Variants in RELN observed in about 807,000 individuals in gnomAD.
The protein encoded by RELN is reelin.
RELN carries 108 observed loss-of-function variants against 427.6 expected under a neutral mutation model. That is an observed-to-expected ratio of 0.25 (90% CI 0.22 to 0.30). The LOEUF (loss-of-function observed/expected upper bound fraction) is 0.30, where lower values mean the gene tolerates loss of function less well. Ranked by LOEUF, RELN falls within the 10% of genes least tolerant of loss-of-function variation. The pLI is 1.00. For missense variants in RELN, 3,715 were observed against 4,302.8 expected (o/e 0.86, Z 3.82); for synonymous variants, 1,524 against 1,513.4 (o/e 1.01, Z -0.16).
intron 22 of RELN, among the ~76,000 whole-genome samples, chr7:103,608,705 T>C (rs1831875552): frequency 6.6e-6 from 1 of 152,216 alleles, no homozygotes; most frequent in Admixed American, 6.5e-5. Flanking sequence ...CCTTTCAGTG[T>C]GTGTTTAACA....
rs1584398156 is a variant in RELN at position 103,675,924 on chromosome 7, C to T, written c.1289+6192G>A. Among the ~76,000 whole-genome samples, 7 of 152,202 alleles carry T rather than the reference C, an allele frequency of 4.6e-5. 1 individual carries two copies. The highest frequency in any genetic ancestry group is 4.6e-4 in the Admixed American group (7 of 15,288). On this transcript the variant is annotated intron_variant, in intron 11 of 64. Coordinates refer to ENST00000428762, the MANE Select transcript of RELN (RefSeq NM_005045.4). ...AAAGACTTACATGTTAGACCTAAAA[C>T]CATAAATACCCTAGAAGAAAACCTA... is the stretch of plus-strand genomic sequence containing the variant.
chr7:103,606,453 T>C lies in RELN; in HGVS notation c.3009-1970A>G, dbSNP rs552350082. Among the ~76,000 whole-genome samples, 3 of 152,278 alleles carry C rather than the reference T, an allele frequency of 2.0e-5. 1 individual carries two copies. Among genetic ancestry groups the C allele is most frequent in the African/African-American group, 7.2e-5 (3 of 41,562 alleles). On this transcript the variant is annotated intron_variant, in intron 22 of 64. Transcript: ENST00000428762. The stretch of plus-strand genomic sequence containing the variant: ...GCTGTGTGACCTTTAGTGAGAAATA[T>C]AAGCCTTCAGGGGCTTGTAGTTCCT...
At chr7:103,850,706 T>C (rs1043953376) in intron 2 of RELN, among the ~76,000 whole-genome samples, 1 of 152,112 alleles carries the variant, frequency 6.6e-6, no homozygotes, top group Admixed American at 6.6e-5. Context: ...AAAGAAGATA[T>C]ACAAATGGCC....
chr7:103,746,074 G>A (rs2116044895), intron 6 of RELN, among the ~76,000 whole-genome samples: 1 of 152,132 alleles, frequency 6.6e-6, no homozygotes, highest in Non-Finnish European at 1.5e-5. Context: ...CAGAGATATA[G>A]ACCAATGGAA....
chr7:103,710,581 G>C (rs1031271274), intron 8 of RELN, among the ~76,000 whole-genome samples: 16 of 152,322 alleles, frequency 1.1e-4, no homozygotes, highest in Non-Finnish European at 1.3e-4. Context: ...AAATAAGAGA[G>C]AGGTTTTCCA....
At chr7:103,823,371 T>C (rs1343006702) in intron 3 of RELN, among the ~76,000 whole-genome samples, 3 of 152,236 alleles carry the variant, frequency 2.0e-5, no homozygotes, top group Admixed American at 6.5e-5. Flanking sequence ...TATCTTATAT[T>C]ACATTTTATA....
chr7:103,863,512 T>G (rs1394486184), intron 2 of RELN, among the ~76,000 whole-genome samples: 1 of 152,160 alleles, frequency 6.6e-6, no homozygotes, highest in Non-Finnish European at 1.5e-5. Flanking sequence ...TGGGAGTAGT[T>G]TTTTAAACAG....
intron 18 of RELN, 126 bp downstream of exon 18, chr7:103,636,109 T>C: frequency 1.3e-6 from 1 of 746,168 alleles, no homozygotes; most frequent in Admixed American, 2.1e-5. Flanking sequence ...AACTGTAGGC[T>C]CCCTCCAACC....
intron 2 of RELN, among the ~76,000 whole-genome samples, chr7:103,859,181 T>G (rs1794015287): frequency 6.6e-6 from 1 of 152,198 alleles, no homozygotes; most frequent in Admixed American, 6.5e-5. Context: ...TTTTGGGAAT[T>G]TCTCAAGTGT....
intron 8 of RELN, among the ~76,000 whole-genome samples, chr7:103,711,928 G>C (rs1210511068): frequency 6.6e-6 from 1 of 152,068 alleles, no homozygotes; most frequent in East Asian, 1.9e-4. Flanking sequence ...CAAAATGCTG[G>C]GATTACAGGT....
At chr7:103,599,227 T>C (rs759058786) in intron 24 of RELN, among the ~76,000 whole-genome samples, 6 of 152,354 alleles carry the variant, frequency 3.9e-5, no homozygotes, top group Middle Eastern at 3.4e-3. Context: ...CAGAATCTTT[T>C]ATTGTTTCCC....
intron 10 of RELN, among the ~76,000 whole-genome samples, chr7:103,688,794 A>G (rs971669664): frequency 2.0e-5 from 3 of 152,154 alleles, no homozygotes; most frequent in Admixed American, 1.3e-4. Flanking sequence ...ATAAGGTACA[A>G]GAGCAACAGA....
At position 103,905,379 on chromosome 7, in the gene RELN, G is replaced by T. The variant is rs561769646; in HGVS notation, c.337+11696C>A. ...GAGAAATGGACAAAGCGGTAGCCAG[G>T]ATGATCAATTTCCCCAGGACCTCTT... On this transcript the variant is annotated intron_variant, in intron 2 of 64. Transcript: ENST00000428762. 3.1e-3 allele frequency among the ~76,000 whole-genome samples: 477 copies of T among 152,230 alleles called. 1 individual carries two copies. The highest frequency in any genetic ancestry group is 0.011 in the African/African-American group (445 of 41,558).
In RELN at chr7:103,500,687, G is replaced by A. The variant is rs1483929113; in HGVS notation, c.8667+58C>T. The A allele has an allele frequency of 8.3e-6, 13 of 1,569,592 alleles. No homozygotes were observed. The Admixed American group carries it at 1.8e-4, about 22-fold the overall frequency. ...TAGATTATGTCTCATACATAAGTTG[G>A]TTCCTAGGCATGACCCATGATGTGA... On this transcript the variant is annotated intron_variant, in intron 53 of 64. Transcript: ENST00000428762.
chr7:103,567,989 G>A (rs1478821443), intron 31 of RELN, among the ~76,000 whole-genome samples: 2 of 152,010 alleles, frequency 1.3e-5, no homozygotes, highest in Admixed American at 6.6e-5. Flanking sequence ...TAAAGACGGG[G>A]TTTTGCCATG....
chr7:103,737,046 T>C (rs1473735450), intron 6 of RELN, among the ~76,000 whole-genome samples: 1 of 152,024 alleles, frequency 6.6e-6, no homozygotes, highest in Admixed American at 6.6e-5. Flanking sequence ...GGGAGGAGGT[T>C]AGAGAAAAAG....
chr7:103,625,041 C>T (rs80106290), intron 20 of RELN, among the ~76,000 whole-genome samples: 5,437 of 152,234 alleles, frequency 0.036, 156 homozygotes, highest in East Asian at 0.14. Flanking sequence ...TAAACAAAAA[C>T]TATAGCTTTC....
Position 103,988,157 on chromosome 7 carries a change from C to T in RELN, c.226+974G>A, listed in dbSNP as rs1043511993. ...GGGTTGAAATTCTAATTAAATAGTG[C>T]CTGTCGCTGCTTAAAAGCTCTATAG... On this transcript the variant is annotated intron_variant, in intron 1 of 64. Coordinates refer to ENST00000428762, the MANE Select transcript of RELN (RefSeq NM_005045.4). The surrounding 1 kb of genome is among the most constrained non-coding windows in gnomAD (Gnocchi z 4.9). 6.6e-6 allele frequency among the ~76,000 whole-genome samples: 1 copy of T among 152,102 alleles called. No homozygotes were observed. The highest frequency in any genetic ancestry group is 1.5e-5 in the Non-Finnish European group (1 of 68,028).
At chr7:103,657,012 T>C (rs541736852) in intron 12 of RELN, among the ~76,000 whole-genome samples, 10 of 152,162 alleles carry the variant, frequency 6.6e-5, no homozygotes, top group Admixed American at 5.9e-4. Flanking sequence ...TACCACTCAA[T>C]AGGTAAGTCT....
Sources: allele counts gnomAD v4.1 joint callset (sites outside exome capture counted in the v4.1 genomes callset), GRCh38; gene constraint gnomAD v4.1.1; non-coding constraint Gnocchi (gnomAD v3.1); transcripts MANE v1.5; gene names NCBI Gene and HGNC (gene_info 2026-07-23, HGNC 2026-07-21).